Variants in ATG16L2 observed in about 807,000 individuals in gnomAD.
The protein encoded by ATG16L2 is autophagy related 16 like 2, also known as protein Atg16l2.
A neutral mutation model predicts 84.7 loss-of-function variants in ATG16L2; 77 were observed. That is an observed-to-expected ratio of 0.91 (90% CI 0.76 to 1.10). The LOEUF (loss-of-function observed/expected upper bound fraction) is 1.10, where lower values mean the gene tolerates loss of function less well. ATG16L2 is among the 50% of genes least tolerant of loss of function. The pLI is 0.00. For missense variants in ATG16L2, 782 were observed against 817.6 expected (o/e 0.96, Z 0.53); for synonymous variants, 361 against 342.8 (o/e 1.05, Z -0.59).
rs748678642 is a variant in ATG16L2, at chr11:72,841,514, G to A, written c.*22-1103G>A. 5.0e-6 allele frequency: 8 copies of A among 1,611,432 alleles called. 1 individual carries two copies. The South Asian group carries it at 5.5e-5, about 11-fold the overall frequency. ...CTCCTCTTATCTGGGCTGGGGTAGG[G>A]GCTGCTGGGAGGCTGGTCGTACAAC... On this transcript the variant is annotated intron_variant, in intron 5 of 5. Transcript: ENST00000534905.
intron 14 of ATG16L2, among the ~76,000 whole-genome samples, chr11:72,828,052 CTTCT>C (rs1169196496): frequency 6.6e-6 from 1 of 152,194 alleles, no homozygotes. Context: ...GCAACCCTTC[CTTCT>C]CTCTCTCATA....
In ATG16L2 at chr11:72,825,384, T is replaced by C; in HGVS notation, c.1079T>C (p.Ile360Thr). 1 of 1,612,766 alleles carries C rather than the reference T, an allele frequency of 6.2e-7. No individual in the cohort carries two copies. The highest frequency in any genetic ancestry group is 2.2e-5 in the East Asian group (1 of 44,870). ...GCCACTGGAGGGGCTGACCGCCTGA[T>C]CCACCTCTGGAATGTTGTGGGAAGT... ...LLATGGADRLIHLWNVVGSRL... is the reference protein window; with the variant it reads ...LLATGGADRLTHLWNVVGSRL... The change falls in exon 10 of 18, where the codon ATC becomes ACC. Residue 360 changes from isoleucine (I) to threonine (T), a missense_variant. Physicochemically the swap from Ile to Thr is moderately conservative, Grantham distance 89 (BLOSUM62 -1). Transcript: ENST00000321297.
At position 72,829,546 on chromosome 11, in the gene ATG16L2, A is replaced by G. The variant is rs1328825091; in HGVS notation, c.*156A>G. On this transcript the variant is annotated 3_prime_UTR_variant, in exon 18 of 18. Transcript: ENST00000321297. Reference sequence around the variant, plus strand: ...TGGCCTGTTTGTTTAAAAATGAAGTATGGGTTGGGGGATTACGCTAGTTTT... The same window carrying G: ...TGGCCTGTTTGTTTAAAAATGAAGTGTGGGTTGGGGGATTACGCTAGTTTT... 16 of 1,408,828 alleles carry G rather than the reference A, an allele frequency of 1.1e-5. No individual in the cohort carries two copies. The Admixed American group carries it at 1.5e-4, about 13-fold the overall frequency. The allele number at this position is 1,408,828 out of a possible 1,614,324, so 87.3% of individuals were successfully genotyped here.
At chr11:72,831,546 T>TA (rs1212161735), downstream of ATG16L2, among the ~76,000 whole-genome samples, 1 of 152,200 alleles carries the variant, frequency 6.6e-6, no homozygotes, top group African/African-American at 2.4e-5. Flanking sequence ...TCAGCCAGTC[T>TA]AACGGTCTAA....
exon 6 of ATG16L2, chr11:72,842,989 CTT>C: frequency 1.2e-6 from 1 of 865,922 alleles, no homozygotes; most frequent in Non-Finnish European, 1.8e-6. Context: ...GAATGATTAA[CTT>C]TAGGGTTCTA....
intron 5 of ATG16L2, chr11:72,837,612 G>T (rs1233959826): frequency 6.6e-6 from 1 of 152,226 alleles, no homozygotes; most frequent in Non-Finnish European, 1.5e-5. Flanking sequence ...TGCAGAGAAG[G>T]CCACTCCTGG....
At chr11:72,829,028 G>T in intron 17 of ATG16L2, 44 bp downstream of exon 17, 1 of 1,589,614 alleles carries the variant, frequency 6.3e-7, no homozygotes, top group Non-Finnish European at 8.6e-7. Flanking sequence ...CCCCAGTCCT[G>T]CCAGGCTGAT....
downstream of ATG16L2, among the ~76,000 whole-genome samples, chr11:72,831,294 G>C (rs1320388962): frequency 3.3e-5 from 5 of 152,230 alleles, no homozygotes; most frequent in Admixed American, 6.5e-5. Context: ...ATCACCTGAG[G>C]TCAAGAGTTC....
At chr11:72,839,079 C>A (rs898861934) in intron 5 of ATG16L2, among the ~76,000 whole-genome samples, 1 of 152,206 alleles carries the variant, frequency 6.6e-6, no homozygotes, top group African/African-American at 2.4e-5. Context: ...GCCCACAAAT[C>A]AGCTTCTTGC....
rs1471530840 is a variant in ATG16L2, at chr11:72,822,275, G to A, written c.624G>A (p.Leu208=). 1.3e-6 allele frequency: 2 copies of A among 1,508,638 alleles called. No individual in the cohort carries two copies. The highest frequency in any genetic ancestry group is 2.5e-5 in the East Asian group (1 of 39,750). 93.5% of individuals were successfully genotyped at this position (1,508,638 alleles called of 1,614,324 possible). The stretch of plus-strand genomic sequence containing the variant: ...CGCGCGCCGCGGCCGAGCGCAACCT[G>A]CGCAACGAGCGCCGGGAGCGGTGAG... ...RKARAAAERN[L]RNERRERAKQ... is the part of the protein sequence containing the mutation. The change falls in exon 5 of 18, where the codon CTG becomes CTA. Residue 208 remains leucine (L), a synonymous_variant. Transcript: ENST00000321297. The surrounding 1 kb of genome is among the most constrained non-coding windows in gnomAD (Gnocchi z 4.2).
intron 3 of ATG16L2, among the ~76,000 whole-genome samples, chr11:72,819,575 G>A (rs963951010): frequency 2.6e-5 from 4 of 151,980 alleles, no homozygotes; most frequent in Admixed American, 2.6e-4. Context: ...TGGCTCCCCC[G>A]TCGAGCTCCC....
chr11:72,841,376 T>C, intron 5 of ATG16L2: 1 of 1,412,120 alleles, frequency 7.1e-7, no homozygotes, highest in Non-Finnish European at 9.6e-7. Context: ...CAAATGCAGT[T>C]TTTTTTTGCC....
intron 2 of ATG16L2, 36 bp downstream of exon 2, chr11:72,816,863 C>T (rs1248253441): frequency 6.4e-7 from 1 of 1,570,002 alleles, no homozygotes; most frequent in Non-Finnish European, 8.8e-7. Flanking sequence ...CAAAGGGCTG[C>T]CTGTGCTGGG....
Position 72,838,445 on chromosome 11 carries a change from C to G in ATG16L2, c.*22-4172C>G, listed in dbSNP as rs1391300963. Reference sequence around the variant, plus strand: ...CACAGTAATATACTGTACGAGTGCACATGATCAGTAATTTAGGGACTGTGC... The same window carrying G: ...CACAGTAATATACTGTACGAGTGCAGATGATCAGTAATTTAGGGACTGTGC... On this transcript the variant is annotated intron_variant, in intron 5 of 5. Transcript: ENST00000534905. 2.5e-5 allele frequency: 8 copies of G among 325,852 alleles called. No individual in the cohort carries two copies. The South Asian group carries it at 2.9e-4, about 12-fold the overall frequency. 20.2% of individuals were successfully genotyped at this position (325,852 alleles called of 1,614,324 possible).
chr11:72,820,025 G>C (rs374319604), intron 3 of ATG16L2: 1 of 152,300 alleles, frequency 6.6e-6, no homozygotes, highest in East Asian at 1.9e-4. Context: ...GATTACAGGC[G>C]TGAGCCACGG....
chr11:72,838,838 G>A (rs1591325329), intron 5 of ATG16L2: 5 of 1,608,382 alleles, frequency 3.1e-6, no homozygotes, highest in African/African-American at 1.3e-5. Flanking sequence ...GCTGGCCTTC[G>A]GTGATTCTGT....
intron 5 of ATG16L2, among the ~76,000 whole-genome samples, chr11:72,842,277 T>C (rs1490009114): frequency 6.6e-6 from 1 of 152,248 alleles, no homozygotes; most frequent in Admixed American, 6.5e-5. Flanking sequence ...CTAAGAGTTT[T>C]ACTACGTAAA....
downstream of ATG16L2, among the ~76,000 whole-genome samples, chr11:72,832,951 A>G (rs867191775): frequency 5.3e-5 from 8 of 152,308 alleles, no homozygotes; most frequent in South Asian, 4.1e-4. Context: ...CAAAAGTGAC[A>G]TGGCTCTTCT....
chr11:72,821,225 TGTG>T (rs973863183), intron 3 of ATG16L2: 3 of 991,496 alleles, frequency 3.0e-6, no homozygotes. Context: ...AGCCTCCTGG[TGTG>T]GTGAGGATGG....
Sources: allele counts gnomAD v4.1 joint callset (sites outside exome capture counted in the v4.1 genomes callset), GRCh38; gene constraint gnomAD v4.1.1; non-coding constraint Gnocchi (gnomAD v3.1); transcripts MANE v1.5; gene names NCBI Gene and HGNC (gene_info 2026-07-23, HGNC 2026-07-21).